NCKAP5: variants seen among roughly 807,000 people sequenced by gnomAD.
NCKAP5 encodes NCK associated protein 5.
Under a neutral mutation model 167.0 loss-of-function variants are expected in NCKAP5, and 92 were observed. That is an observed-to-expected ratio of 0.55 (90% CI 0.47 to 0.66). NCKAP5 has a LOEUF of 0.66. NCKAP5 is among the 30% of genes least tolerant of loss of function. NCKAP5 has a pLI of 0.00. For missense variants in NCKAP5, 2,378 were observed against 2,315.0 expected (o/e 1.03, Z -0.56); for synonymous variants, 891 against 877.4 (o/e 1.02, Z -0.27).
intron 4 of NCKAP5, among the ~76,000 whole-genome samples, chr2:133,262,815 A>C (rs2088979604): frequency 1.3e-5 from 2 of 152,174 alleles, no homozygotes; most frequent in South Asian, 4.1e-4. Flanking sequence ...AAAAAGCAGG[A>C]AGGCTTGTTC....
intron 5 of NCKAP5, among the ~76,000 whole-genome samples, chr2:133,207,102 T>C (rs2085984825): frequency 1.3e-5 from 2 of 152,142 alleles, no homozygotes; most frequent in Admixed American, 6.5e-5. Context: ...CTTTGAAGCA[T>C]GTGATCCTTG....
chr2:133,360,172 A>G (rs1685004909), intron 3 of NCKAP5, among the ~76,000 whole-genome samples: 1 of 152,200 alleles, frequency 6.6e-6, no homozygotes, highest in African/African-American at 2.4e-5. Context: ...ATTGATTTTT[A>G]GAGAGAAACA....
intron 8 of NCKAP5, among the ~76,000 whole-genome samples, chr2:132,920,771 G>GTATGTATGTATGTGTGTATATATATA (rs1553479343): frequency 1.6e-4 from 5 of 31,570 alleles, no homozygotes; most frequent in African/African-American, 5.5e-4. Flanking sequence ...ATATATGTAT[G>GTATGTATGTATGTGTGTATATATATA]TATATATATA....
intron 3 of NCKAP5, among the ~76,000 whole-genome samples, chr2:133,385,828 T>C (rs1376108545): frequency 6.6e-6 from 1 of 152,246 alleles, no homozygotes; most frequent in Non-Finnish European, 1.5e-5. Flanking sequence ...TTCTAGTTTA[T>C]TTGCATAGAG....
chr2:133,094,805 G>C (rs1033714750), intron 6 of NCKAP5, among the ~76,000 whole-genome samples: 4 of 152,116 alleles, frequency 2.6e-5, no homozygotes, highest in Non-Finnish European at 5.9e-5. Context: ...GTAGCAGAAG[G>C]GAATTCAGAG....
chr2:133,032,800 G>C (rs1343178179), intron 6 of NCKAP5, among the ~76,000 whole-genome samples: 1 of 152,160 alleles, frequency 6.6e-6, no homozygotes, highest in Non-Finnish European at 1.5e-5. Flanking sequence ...CATGGTTGGG[G>C]AGGCCTCAGG....
Position 133,394,727 on chromosome 2 carries a change from G to A in NCKAP5, c.70-91617C>T, listed in dbSNP as rs557657142. ...TCAAAAAACACAGAACACCAAATTC[G>A]AACACATGAAAGGAAAGGAAACCAA... is the stretch of plus-strand genomic sequence containing the variant. On this transcript the variant is annotated intron_variant, in intron 3 of 19. Coordinates refer to ENST00000409261, the MANE Select transcript of NCKAP5 (RefSeq NM_207363.3). 8.5e-5 allele frequency among the ~76,000 whole-genome samples: 13 copies of A among 152,126 alleles called. No individual in the cohort carries two copies. In the South Asian group the frequency reaches 1.0e-3, roughly 12 times the overall value.
At chr2:133,077,721 C>T (rs182180694) in intron 6 of NCKAP5, among the ~76,000 whole-genome samples, 1 of 152,272 alleles carries the variant, frequency 6.6e-6, no homozygotes, top group Non-Finnish European at 1.5e-5. Flanking sequence ...TGATAACCAG[C>T]CATTCAAACT....
rs1446682379 is a variant in NCKAP5 at position 132,725,750 on chromosome 2, G to A, written c.5590C>T (p.Pro1864Ser). The A allele has an allele frequency of 2.5e-6, 4 of 1,612,984 alleles. No homozygotes were observed. In the African/African-American group the frequency reaches 5.3e-5, roughly 22 times the overall value. ...CTGGCAGAGTACGTACACATTCTGG[G>A]TGCCTTGTCCTAAATGAGTAATATG... ...VAATGTQDKA[P>S]RMCTYSASGG... The change falls in exon 19 of 20, where the codon CCC (proline) becomes TCC (serine). Residue 1864 changes from proline (P) to serine (S), a missense_variant. By Grantham distance (74) the Pro-to-Ser change is moderately conservative. Around this residue, in one of 3 missense-constraint regions of NCKAP5, gnomAD observed 1,325 missense variants for 1,274.5 expected, o/e 1.04. Coordinates refer to ENST00000409261, the MANE Select transcript of NCKAP5 (RefSeq NM_207363.3).
In NCKAP5 at chr2:133,526,173, A is replaced by AAGGG. The variant is rs1156510434; in HGVS notation, c.-61-8587_-61-8586insCCCT. Among the ~76,000 whole-genome samples the AAGGG allele has an allele frequency of 7.3e-5, 7 of 96,324 alleles. No homozygotes were observed. The Admixed American group carries it at 7.4e-4, about 10-fold the overall frequency. The allele number at this position is 96,324 out of a possible 152,430, so 63.2% of individuals were successfully genotyped here. Reference sequence around the variant, plus strand: ...GAACAGAGAAAGGGAATGAGGAAGGAAGGAAGGAAGGAAGGAAGGAAGGAA... The same window carrying AAGGG: ...GAACAGAGAAAGGGAATGAGGAAGGAAGGGAGGAAGGAAGGAAGGAAGGAAGGAA... On this transcript the variant is annotated intron_variant, in intron 2 of 19. Transcript: ENST00000409261.
intron 8 of NCKAP5, among the ~76,000 whole-genome samples, chr2:132,961,615 G>A (rs2076513240): frequency 1.3e-5 from 2 of 152,164 alleles, no homozygotes; most frequent in South Asian, 4.1e-4. Context: ...AAGAGTTGTT[G>A]CCTGAAGTGT....
intron 6 of NCKAP5, among the ~76,000 whole-genome samples, chr2:133,102,957 T>A (rs1384007050): frequency 6.6e-6 from 1 of 152,088 alleles, no homozygotes; most frequent in African/African-American, 2.4e-5. Context: ...AACCTCCCCA[T>A]CTGAAAAATG....
At chr2:132,890,414 A>C (rs1692602583) in intron 8 of NCKAP5, among the ~76,000 whole-genome samples, 1 of 152,086 alleles carries the variant, frequency 6.6e-6, no homozygotes, top group Non-Finnish European at 1.5e-5. Flanking sequence ...GAAAAAAAAT[A>C]GTCTAATAGA....
chr2:132,718,102 A>C (rs1449972865), intron 19 of NCKAP5, among the ~76,000 whole-genome samples: 4 of 152,224 alleles, frequency 2.6e-5, no homozygotes, highest in Non-Finnish European at 4.4e-5. Flanking sequence ...GACTTGTTTC[A>C]GTCTGTATGT....
chr2:132,827,045 A>G (rs1158185144), intron 11 of NCKAP5, among the ~76,000 whole-genome samples: 3 of 152,162 alleles, frequency 2.0e-5, no homozygotes, highest in Admixed American at 6.5e-5. Flanking sequence ...GCTGCTTTTC[A>G]TGGGGAGCAG....
At chr2:133,196,489 G>C (rs1439999066) in intron 5 of NCKAP5, among the ~76,000 whole-genome samples, 1 of 152,168 alleles carries the variant, frequency 6.6e-6, no homozygotes. Context: ...ATGCAGAGAA[G>C]AGCACTAAGG....
intron 3 of NCKAP5, among the ~76,000 whole-genome samples, chr2:133,309,967 T>C (rs573495105): frequency 5.9e-5 from 9 of 152,268 alleles, no homozygotes; most frequent in African/African-American, 2.2e-4. Context: ...ACTAGTAACA[T>C]AGAATCCCCA....
At chr2:133,251,249 C>T (rs993574447) in intron 4 of NCKAP5, among the ~76,000 whole-genome samples, 4 of 152,224 alleles carry the variant, frequency 2.6e-5, no homozygotes, top group Admixed American at 6.5e-5. Flanking sequence ...GGTTTGGTAT[C>T]GGGGACTTGA....
intron 6 of NCKAP5, chr2:133,118,636 T>G (rs1428311436): frequency 6.6e-6 from 1 of 152,188 alleles, no homozygotes; most frequent in Admixed American, 6.5e-5. Flanking sequence ...AATATAATTT[T>G]GTGATAAAAG....
Sources: allele counts gnomAD v4.1 joint callset (sites outside exome capture counted in the v4.1 genomes callset), GRCh38; gene constraint gnomAD v4.1.1; regional missense constraint gnomAD v4.1.1; transcripts MANE v1.5; gene names NCBI Gene and HGNC (gene_info 2026-07-23, HGNC 2026-07-21).